The following PCDHGB1 variants were observed in gnomAD, a reference collection of about 807,000 sequenced individuals.
PCDHGB1 encodes protocadherin gamma-B1.
In PCDHGB1, 34 loss-of-function variants were observed where a neutral mutation model predicts 56.6. The ratio of observed to expected loss-of-function variants is 0.60; its 90% CI spans 0.46 to 0.80. PCDHGB1 has a LOEUF of 0.80. Among genes scored for constraint, PCDHGB1 ranks in the 30% least tolerant of loss-of-function variants. PCDHGB1 has a pLI of 0.00. For missense variants in PCDHGB1, 1,278 were observed against 1,204.6 expected (o/e 1.06, Z -0.90); for synonymous variants, 561 against 505.9 (o/e 1.11, Z -1.46).
At chr5:141,383,533 C>T (rs2240698) in intron 1 of PCDHGB1, 21,821 of 1,612,448 alleles carry the variant, frequency 0.014, 752 homozygotes, top group East Asian at 0.14. Flanking sequence ...CCACCTGGTC[C>T]TCACAGCCTC....
At chr5:141,444,471 G>A (rs929365899) in intron 1 of PCDHGB1, among the ~76,000 whole-genome samples, 1 of 151,876 alleles carries the variant, frequency 6.6e-6, no homozygotes, top group Non-Finnish European at 1.5e-5. Flanking sequence ...GCGCCCGGTC[G>A]CGTACTGGAT....
Position 141,511,015 on chromosome 5 carries a change from C to A in PCDHGB1, c.2626C>A (p.Pro876Thr). Residue 876 changes from proline (P) to threonine (T), a missense_variant, in exon 4 of 4, where the codon CCC becomes ACC. Coordinates refer to ENST00000523390, the MANE Select transcript of PCDHGB1 (RefSeq NM_018922.3). ...GTMGLSARYG[P>T]QFTLQHVPDY... ...CATGGGATTGAGCGCCCGCTACGGA[C>A]CCCAGTTCACCCTGCAGCACGTGCC... 6.2e-7 allele frequency: 1 copy of A among 1,614,224 alleles called. No individual in the cohort carries two copies. The highest frequency in any genetic ancestry group is 8.5e-7 in the Non-Finnish European group (1 of 1,180,038).
chr5:141,490,956 A>T lies in PCDHGB1; in HGVS notation c.2410-3851A>T. 1.2e-6 allele frequency: 2 copies of T among 1,613,828 alleles called. No homozygotes were observed. The highest frequency in any genetic ancestry group is 1.7e-6 in the Non-Finnish European group (2 of 1,179,852). ...TGCTGCACCCACGGCCAGACTGGGA[A>T]CACTCAGCCCCCCAGCGTCTCCCTC... On this transcript the variant is annotated intron_variant, in intron 1 of 3. Transcript: ENST00000523390. The surrounding 1 kb of genome is among the most constrained non-coding windows in gnomAD (Gnocchi z 5.4).
rs772507861 is a variant in PCDHGB1 at position 141,352,473 on chromosome 5, A to G, written c.2213A>G (p.Asn738Ser). The change falls in exon 1 of 4, where the codon AAC (asparagine) becomes AGC (serine). Residue 738 changes from asparagine to serine, a missense_variant. Physicochemically the swap from Asn to Ser is conservative, Grantham distance 46. Coordinates refer to ENST00000523390, the MANE Select transcript of PCDHGB1 (RefSeq NM_018922.3). ...AAGTCTGGGCCCGGGGTTCCTCCCA[A>G]CCACAGCGAGGGGACTTTGCCCTAT... is the stretch of plus-strand genomic sequence containing the variant. ...CSKSGPGVPPNHSEGTLPYSY... is the reference protein window; with the variant it reads ...CSKSGPGVPPSHSEGTLPYSY... 3.1e-6 allele frequency: 5 copies of G among 1,613,888 alleles called. No homozygotes were observed. Among genetic ancestry groups the G allele is most frequent in the East Asian group, 2.2e-5 (1 of 44,890 alleles).
chr5:141,370,575 T>C (rs764870172), intron 1 of PCDHGB1: 17 of 1,613,766 alleles, frequency 1.1e-5, no homozygotes, highest in Admixed American at 1.7e-5. Context: ...CGTGGGGGAT[T>C]TACCTACTAG....
At chr5:141,505,816 C>A (rs1236221927) in intron 3 of PCDHGB1, among the ~76,000 whole-genome samples, 2 of 152,178 alleles carry the variant, frequency 1.3e-5, no homozygotes, top group African/African-American at 4.8e-5. Flanking sequence ...CTTGCTCAAT[C>A]TCTCTAAACC....
chr5:141,388,626 A>C, intron 1 of PCDHGB1: 1 of 1,613,974 alleles, frequency 6.2e-7, no homozygotes, highest in Non-Finnish European at 8.5e-7. Flanking sequence ...AGACGTATAC[A>C]GGGTGAGCCT....
intron 1 of PCDHGB1, among the ~76,000 whole-genome samples, chr5:141,436,175 A>G (rs1263518258): frequency 1.3e-5 from 2 of 152,192 alleles, no homozygotes; most frequent in Non-Finnish European, 2.9e-5. Flanking sequence ...CAGTTCTCAT[A>G]TATAGTCAAA....
At chr5:141,414,244 T>A in intron 1 of PCDHGB1, 1 of 1,613,526 alleles carries the variant, frequency 6.2e-7, no homozygotes, top group Admixed American at 1.7e-5. Context: ...CACGTCTCTA[T>A]TTAGTCCAGT....
rs746159671 is a variant in PCDHGB1, at chr5:141,399,684, G to A, written c.2409+47015G>A. The A allele has an allele frequency of 2.4e-5, 38 of 1,613,538 alleles. 1 individual carries two copies. In the South Asian group the frequency reaches 4.2e-4, roughly 18 times the overall value. On this transcript the variant is annotated intron_variant, in intron 1 of 3. Transcript: ENST00000523390. ...TCGCGCAGCGCGCCTTTGACTACGAGCAGCTGCGCACCTTCGAACTCACAC... is the reference window on the plus strand; with the variant it reads ...TCGCGCAGCGCGCCTTTGACTACGAACAGCTGCGCACCTTCGAACTCACAC...
chr5:141,452,848 G>A (rs1425590240), intron 1 of PCDHGB1, among the ~76,000 whole-genome samples: 9 of 152,128 alleles, frequency 5.9e-5, no homozygotes, highest in Non-Finnish European at 1.0e-4. Flanking sequence ...CCCACACTCT[G>A]GGGAGATGAT....
chr5:141,469,104 C>T (rs1046234848), intron 1 of PCDHGB1, among the ~76,000 whole-genome samples: 1 of 151,760 alleles, frequency 6.6e-6, no homozygotes, highest in Admixed American at 6.6e-5. Flanking sequence ...AAGCAAGAAC[C>T]TGTCTCTAAA....
intron 1 of PCDHGB1, chr5:141,367,051 G>T: frequency 3.1e-6 from 1 of 325,810 alleles, no homozygotes; most frequent in Non-Finnish European, 5.6e-6. Context: ...TAATAGAAAA[G>T]ATGTTTTATT....
At chr5:141,355,956 TG>T in intron 1 of PCDHGB1, 6 of 1,613,914 alleles carry the variant, frequency 3.7e-6, no homozygotes, top group Non-Finnish European at 5.1e-6. Flanking sequence ...TAAGTGTTCG[TG>T]AGAACGTTCC....
intron 1 of PCDHGB1, chr5:141,415,863 G>T (rs1321470910): frequency 2.7e-5 from 30 of 1,107,154 alleles, no homozygotes; most frequent in Non-Finnish European, 3.6e-5. Context: ...GTAGTTTATA[G>T]TGTTGTTGAG....
intron 1 of PCDHGB1, chr5:141,422,968 C>A (rs766010601): frequency 6.2e-7 from 1 of 1,614,240 alleles, no homozygotes; most frequent in Non-Finnish European, 8.5e-7. Context: ...GCTGGCGCCC[C>A]GCTCTGCGGA....
At chr5:141,408,769 C>T in intron 1 of PCDHGB1, 1 of 1,611,166 alleles carries the variant, frequency 6.2e-7, no homozygotes, top group Non-Finnish European at 8.5e-7. Context: ...CCGATGGTGG[C>T]AAATACCCAG....
intron 1 of PCDHGB1, chr5:141,382,901 T>C (rs748634682): frequency 5.8e-6 from 9 of 1,543,194 alleles, no homozygotes; most frequent in East Asian, 2.3e-5. Flanking sequence ...AGGACGACTA[T>C]GGCGGCTCAG....
At chr5:141,415,304 C>T (rs1468756434) in intron 1 of PCDHGB1, 2 of 1,614,188 alleles carry the variant, frequency 1.2e-6, no homozygotes, top group Non-Finnish European at 8.5e-7. Context: ...GTCTTCCTGG[C>T]CTTCGTCATC....
Sources: allele counts gnomAD v4.1 joint callset (sites outside exome capture counted in the v4.1 genomes callset), GRCh38; gene constraint gnomAD v4.1.1; non-coding constraint Gnocchi (gnomAD v3.1); transcripts MANE v1.5; gene names NCBI Gene and HGNC (gene_info 2026-07-23, HGNC 2026-07-21).